Variants in CALN1 observed in about 807,000 individuals in gnomAD.
CALN1 encodes the protein calneuron 1, also known as calcium-binding protein 8.
Under a neutral mutation model 30.6 loss-of-function variants are expected in CALN1, and 17 were observed. The observed-to-expected ratio is 0.56, with a 90% confidence interval of 0.38 to 0.83. The LOEUF is 0.83. Among genes scored for constraint, CALN1 ranks in the 40% least tolerant of loss-of-function variants. The pLI is 0.00. For missense variants in CALN1, 291 were observed against 354.9 expected, an observed-to-expected ratio of 0.82 and a Z score of 1.45; for synonymous variants, 156 against 131.4, an observed-to-expected ratio of 1.19 and a Z score of -1.28.
chr7:72,294,964 T>G (rs895394239), intron 2 of CALN1, among the ~76,000 whole-genome samples: 1 of 152,088 alleles, frequency 6.6e-6, no homozygotes, highest in African/African-American at 2.4e-5. Flanking sequence ...TTATCAAATA[T>G]AAGACCACAG....
chr7:72,499,895 TTCTTTCTTTCTTTCTTTCTA>T, the CALN1 span, among the ~76,000 whole-genome samples: 1,166 of 53,318 alleles, frequency 0.022, 224 homozygotes, highest in African/African-American at 0.084. Flanking sequence ...CTTTCTTTCT[TTCTTTCTTTCTTTCTTTCTA>T]TCTTTCTCTT....
chr7:72,403,831 C>T (rs1297831920), intron 1 of CALN1, among the ~76,000 whole-genome samples: 2 of 152,154 alleles, frequency 1.3e-5, no homozygotes, highest in African/African-American at 4.8e-5. Flanking sequence ...GCTGCTGACA[C>T]CAGGAAAGCC....
intron 3 of CALN1, among the ~76,000 whole-genome samples, chr7:72,252,065 C>T (rs985107684): frequency 3.3e-5 from 5 of 152,166 alleles, no homozygotes; most frequent in African/African-American, 7.2e-5. Flanking sequence ...AAAGTCCAGA[C>T]TCAGTTTTGT....
At chr7:72,215,254 C>A (rs770204764) in intron 3 of CALN1, among the ~76,000 whole-genome samples, 3 of 151,994 alleles carry the variant, frequency 2.0e-5, no homozygotes, top group Non-Finnish European at 2.9e-5. Context: ...GAAGCCTGAC[C>A]CAGGCAGAAA....
At chr7:72,314,838 TA>T (rs10538743) in intron 2 of CALN1, among the ~76,000 whole-genome samples, 28,841 of 143,854 alleles carry the variant, frequency 0.2, 3,908 homozygotes, top group East Asian at 0.42. Flanking sequence ...AACATTTTGT[TA>T]AAAAAAAAAA....
chr7:72,364,944 C>T (rs113610961), intron 2 of CALN1, among the ~76,000 whole-genome samples: 1,653 of 148,300 alleles, frequency 0.011, 14 homozygotes, highest in Non-Finnish European at 0.02. Context: ...CCAAGGCAGG[C>T]GGATCACCTG....
intron 5 of CALN1, among the ~76,000 whole-genome samples, chr7:71,868,370 CTTTT>C (rs11350119): frequency 1.5e-5 from 2 of 137,026 alleles, no homozygotes; most frequent in Non-Finnish European, 1.6e-5. Flanking sequence ...GTGCTACACA[CTTTT>C]TTTTTTTTTT....
At chr7:72,487,913 A>AAGGAAGGAAGGAAGGAAGG in the CALN1 span, among the ~76,000 whole-genome samples, 1 of 76,186 alleles carries the variant, frequency 1.3e-5, no homozygotes, top group Non-Finnish European at 2.5e-5. Context: ...AAAGAAAGAA[A>AAGGAAGGAAGGAAGGAAGG]GAAAGAAGGA....
chr7:72,162,978 T>A (rs1788224668), intron 3 of CALN1, among the ~76,000 whole-genome samples: 1 of 152,150 alleles, frequency 6.6e-6, no homozygotes, highest in African/African-American at 2.4e-5. Flanking sequence ...ACAGCTGACC[T>A]CTGAACTGCT....
At chr7:71,842,500 G>A (rs945080596) in intron 5 of CALN1, among the ~76,000 whole-genome samples, 11 of 152,202 alleles carry the variant, frequency 7.2e-5, no homozygotes, top group Non-Finnish European at 1.3e-4. Flanking sequence ...TGGGATTCTG[G>A]CAGCAGGGTT....
chr7:71,929,979 A>G (rs375757684), intron 5 of CALN1, among the ~76,000 whole-genome samples: 1 of 152,226 alleles, frequency 6.6e-6, no homozygotes, highest in South Asian at 2.1e-4. Context: ...CTTATATAAA[A>G]TGATGTCGTA....
chr7:72,206,344 T>C (rs1585162385), intron 3 of CALN1, among the ~76,000 whole-genome samples: 1 of 152,220 alleles, frequency 6.6e-6, no homozygotes. Context: ...CAAATAACTT[T>C]TAGTTTCTTG....
intron 2 of CALN1, chr7:72,336,779 CGCAGGGAGGGGGCGGTGCGGA>C: frequency 3.0e-6 from 3 of 985,204 alleles, no homozygotes; most frequent in Non-Finnish European, 2.4e-6. Context: ...CTCCGAGGCC[CGCAGGGAGGGGGCGGTGCGGA>C]ATGGATGCGC....
At chr7:72,183,256 G>A (rs551264290) in intron 3 of CALN1, among the ~76,000 whole-genome samples, 8 of 152,210 alleles carry the variant, frequency 5.3e-5, no homozygotes, top group African/African-American at 1.9e-4. Context: ...GTAGAGACGG[G>A]GTTTCACCAC....
At chr7:72,073,712 G>T (rs577172036) in intron 4 of CALN1, among the ~76,000 whole-genome samples, 1 of 133,356 alleles carries the variant, frequency 7.5e-6, no homozygotes, top group Admixed American at 8.9e-5. Context: ...CTTCCTTTTC[G>T]GGACAGGATC....
intron 2 of CALN1, among the ~76,000 whole-genome samples, chr7:72,321,162 G>C (rs13223098): frequency 0.06 from 8,880 of 146,848 alleles, 368 homozygotes; most frequent in Non-Finnish European, 0.1. Flanking sequence ...AGGACATAAT[G>C]CACACACCCT....
At chr7:72,373,635 T>A (rs1044475386) in intron 2 of CALN1, among the ~76,000 whole-genome samples, 1 of 152,218 alleles carries the variant, frequency 6.6e-6, no homozygotes, top group African/African-American at 2.4e-5. Context: ...TAGGCTAAGT[T>A]ATGATGTTTG....
intron 2 of CALN1, among the ~76,000 whole-genome samples, chr7:72,310,839 G>A (rs1010476509): frequency 6.6e-6 from 1 of 150,774 alleles, no homozygotes; most frequent in South Asian, 2.1e-4. Flanking sequence ...GGAGGTGGAG[G>A]TTGCAGTGAG....
At chr7:72,500,839 TAATC>T in the CALN1 span, among the ~76,000 whole-genome samples, 1 of 152,194 alleles carries the variant, frequency 6.6e-6, no homozygotes, top group African/African-American at 2.4e-5. Context: ...CACTGTGTAT[TAATC>T]AATTTATCTT....
Sources: allele counts gnomAD v4.1 joint callset (sites outside exome capture counted in the v4.1 genomes callset), GRCh38; gene constraint gnomAD v4.1.1; transcripts MANE v1.5; gene names NCBI Gene and HGNC (gene_info 2026-07-23, HGNC 2026-07-21).